The following SMARCC1 variants were observed in gnomAD, a reference collection of about 807,000 sequenced individuals.
SMARCC1 encodes the protein SWI/SNF complex subunit SMARCC1.
A neutral mutation model predicts 147.4 loss-of-function variants in SMARCC1; 43 were observed. That is an observed-to-expected ratio of 0.29 (90% confidence interval 0.23 to 0.38). The LOEUF (loss-of-function observed/expected upper bound fraction) is 0.38, where lower values mean the gene tolerates loss of function less well. Among genes scored for constraint, SMARCC1 ranks in the 10% least tolerant of loss-of-function variants. SMARCC1 has a pLI of 1.00. For missense variants in SMARCC1, 1,119 were observed against 1,381.1 expected, an observed-to-expected ratio of 0.81 and a Z score of 3.01; for synonymous variants, 495 against 484.4, an observed-to-expected ratio of 1.02 and a Z score of -0.29.
chr3:47,765,279 C>T (rs185071245), intron 2 of SMARCC1, among the ~76,000 whole-genome samples: 3 of 150,110 alleles, frequency 2.0e-5, no homozygotes, highest in Non-Finnish European at 4.4e-5. Flanking sequence ...AAAAAAAAAA[C>T]GGCAAGGAAA....
intron 25 of SMARCC1, among the ~76,000 whole-genome samples, chr3:47,618,187 GT>G (rs61677810): frequency 0.017 from 2,536 of 152,174 alleles, 82 homozygotes; most frequent in African/African-American, 0.058. Context: ...CAGCTGTGTT[GT>G]TTTATTCAGA....
intron 25 of SMARCC1, among the ~76,000 whole-genome samples, chr3:47,618,741 C>A (rs2032684561): frequency 6.6e-6 from 1 of 152,026 alleles, no homozygotes; most frequent in African/African-American, 2.4e-5. Flanking sequence ...AGGGGACAGA[C>A]AACAGATCCA....
chr3:47,775,312 C>G (rs967622791), intron 1 of SMARCC1, among the ~76,000 whole-genome samples: 24 of 151,280 alleles, frequency 1.6e-4, no homozygotes, highest in Non-Finnish European at 2.8e-4. Flanking sequence ...AGGCGCCCAC[C>G]ACCACGCCTG....
chr3:47,634,551 T>C (rs560005546), intron 24 of SMARCC1, among the ~76,000 whole-genome samples: 89 of 152,338 alleles, frequency 5.8e-4, no homozygotes, highest in Non-Finnish European at 6.6e-4. Flanking sequence ...AAACTACTTC[T>C]GAAGTAGAAT....
In SMARCC1 at chr3:47,636,788, A is replaced by ATATG. The variant is rs1385700826; in HGVS notation, c.2377-653_2377-652insCATA. ...ACAACAACCACAACAAAATATATAT[A>ATATG]TGTGTGTGTGTGTGTGTGTGTGTGT... is the stretch of plus-strand genomic sequence containing the variant. On this transcript the variant is annotated intron_variant, in intron 22 of 27. Coordinates refer to ENST00000254480, the MANE Select transcript of SMARCC1 (RefSeq NM_003074.4). Among the ~76,000 whole-genome samples, 400 of 80,632 alleles carry ATATG rather than the reference A, an allele frequency of 5.0e-3. 4 individuals carry two copies. Among genetic ancestry groups the ATATG allele is most frequent in the African/African-American group, 0.014 (334 of 23,486 alleles). 52.9% of individuals were successfully genotyped at this position (80,632 alleles called of 152,430 possible).
chr3:47,680,673 A>C (rs1035351757), intron 14 of SMARCC1, among the ~76,000 whole-genome samples, 165 bp from the exon 15 acceptor site: 1 of 141,656 alleles, frequency 7.1e-6, no homozygotes, highest in African/African-American at 2.6e-5. Context: ...TCAGCCTCCC[A>C]AGTAGCTGGG....
At chr3:47,638,702 G>A (rs1373249567) in intron 22 of SMARCC1, 23 bp downstream of exon 22, 1 of 1,599,976 alleles carries the variant, frequency 6.3e-7, no homozygotes, top group Non-Finnish European at 8.6e-7. Context: ...GCTATCTGTG[G>A]TTTTACTGCT....
At position 47,640,110 on chromosome 3, in the gene SMARCC1, T is replaced by C. The variant is rs144910897; in HGVS notation, c.2321-1330A>G. On this transcript the variant is annotated intron_variant, in intron 21 of 27. Transcript: ENST00000254480. ...TGCATGGAAACTTAATTGTGGGAAGTAAAAGTAGTAATTACAGAGAACGTA... is the reference window on the plus strand; with the variant it reads ...TGCATGGAAACTTAATTGTGGGAAGCAAAAGTAGTAATTACAGAGAACGTA... 9.3e-4 allele frequency among the ~76,000 whole-genome samples: 142 copies of C among 152,042 alleles called. 1 individual carries two copies. Among genetic ancestry groups the C allele is most frequent in the African/African-American group, 3.0e-3 (126 of 41,458 alleles).
intron 1 of SMARCC1, among the ~76,000 whole-genome samples, chr3:47,777,550 G>A (rs1187867060): frequency 6.6e-5 from 10 of 151,872 alleles, no homozygotes. Context: ...TATTTTTTGA[G>A]ACACTTTCGC....
At chr3:47,728,613 A>G (rs1035345058) in intron 6 of SMARCC1, among the ~76,000 whole-genome samples, 5 of 152,122 alleles carry the variant, frequency 3.3e-5, no homozygotes, top group African/African-American at 1.2e-4. Context: ...ACATCTTTTA[A>G]AAGTTAATGT....
intron 2 of SMARCC1, among the ~76,000 whole-genome samples, chr3:47,758,288 T>C (rs766647840): frequency 4.0e-5 from 6 of 151,784 alleles, no homozygotes; most frequent in Non-Finnish European, 7.4e-5. Flanking sequence ...CTGACGCTAA[T>C]ATTTTAATAT....
intron 27 of SMARCC1, 83 bp from the exon 28 acceptor site, chr3:47,588,389 C>T: frequency 7.6e-7 from 1 of 1,323,148 alleles, no homozygotes; most frequent in East Asian, 2.5e-5. Flanking sequence ...AAAAAAGACA[C>T]AGAAGTCCTT....
chr3:47,747,066 T>C (rs1029983671), intron 2 of SMARCC1, among the ~76,000 whole-genome samples: 2 of 151,766 alleles, frequency 1.3e-5, no homozygotes, highest in African/African-American at 4.8e-5. Flanking sequence ...GACACCAAGG[T>C]GAAAGAATCA....
At chr3:47,628,822 G>A (rs1213950735) in intron 24 of SMARCC1, among the ~76,000 whole-genome samples, 1 of 152,000 alleles carries the variant, frequency 6.6e-6, no homozygotes, top group African/African-American at 2.4e-5. Context: ...CGCCCACCTC[G>A]GCCTCCCAAA....
intron 19 of SMARCC1, chr3:47,663,903 T>C: frequency 6.8e-7 from 1 of 1,475,134 alleles, no homozygotes; most frequent in South Asian, 1.1e-5. Context: ...TTGCTGGGTC[T>C]AGCTGTCACC....
chr3:47,647,437 C>T (rs1371657118), intron 21 of SMARCC1, among the ~76,000 whole-genome samples: 6 of 152,150 alleles, frequency 3.9e-5, no homozygotes, highest in African/African-American at 1.2e-4. Flanking sequence ...GGCTAAGTTA[C>T]GTTTGGTAGG....
chr3:47,596,028 C>T (rs1161240756), intron 26 of SMARCC1, among the ~76,000 whole-genome samples: 3 of 150,988 alleles, frequency 2.0e-5, no homozygotes, highest in South Asian at 2.1e-4. Context: ...CTACCAAACC[C>T]GGCCAGGTTT....
intron 2 of SMARCC1, among the ~76,000 whole-genome samples, chr3:47,753,067 C>A (rs2034645488): frequency 1.3e-5 from 2 of 152,092 alleles, no homozygotes; most frequent in Non-Finnish European, 2.9e-5. Flanking sequence ...AAATCTAGGC[C>A]GGGCACTACG....
chr3:47,646,073 A>G (rs1368313627), intron 21 of SMARCC1, among the ~76,000 whole-genome samples: 6 of 152,168 alleles, frequency 3.9e-5, no homozygotes, highest in Non-Finnish European at 5.9e-5. Context: ...TAACCCCAGC[A>G]CTTTGGGAGG....
Sources: allele counts gnomAD v4.1 joint callset (sites outside exome capture counted in the v4.1 genomes callset), GRCh38; gene constraint gnomAD v4.1.1; transcripts MANE v1.5; gene names NCBI Gene and HGNC (gene_info 2026-07-23, HGNC 2026-07-21).